COX14: variants seen among roughly 807,000 people sequenced by gnomAD.
COX14 encodes the protein cytochrome c oxidase assembly factor COX14.
COX14 carries 3 observed loss-of-function variants against 5.8 expected under a neutral mutation model. The ratio of observed to expected loss-of-function variants is 0.51; its 90% confidence interval spans 0.23 to 1.33. The LOEUF (loss-of-function observed/expected upper bound fraction) is 1.33. Among genes scored for constraint, COX14 ranks in the 40% most tolerant of loss-of-function variants. The probability of loss-of-function intolerance (pLI) is 0.18; values close to 1 mark genes in which losing one functional copy is unlikely to be tolerated. For synonymous variants in COX14, 25 were observed against 26.1 expected, an observed-to-expected ratio of 0.96 and a Z score of 0.13; for missense variants, 72 against 72.1, an observed-to-expected ratio of 1.00 and a Z score of 0.01.
chr12:50,118,846 A>G lies in COX14; in HGVS notation c.-8-1190A>G, dbSNP rs74365295. Among the ~76,000 whole-genome samples the G allele has an allele frequency of 1.8e-3, 272 of 152,278 alleles. 7 individuals carry two copies. In the East Asian group the frequency reaches 0.049, roughly 28 times the overall value. ...AGTCTTCCTGACTTTTAAGAAACCT[A>G]TCTCGCTAATTTCAGTCAGTCTTTT... On this transcript the variant is annotated intron_variant, in intron 1 of 1. Transcript: ENST00000550487.
chr12:50,117,407 A>G (rs532333940), intron 1 of COX14, among the ~76,000 whole-genome samples: 1 of 152,186 alleles, frequency 6.6e-6, no homozygotes, highest in South Asian at 2.1e-4. Context: ...CTCTGCCTAC[A>G]GTGCTGAGAG....
chr12:50,117,087 G>A (rs1951086810), intron 1 of COX14, among the ~76,000 whole-genome samples: 1 of 152,062 alleles, frequency 6.6e-6, no homozygotes, highest in African/African-American at 2.4e-5. Flanking sequence ...TCAGCTCACT[G>A]TAGCCTCAAC....
chr12:50,119,653 C>T (rs1378383845), intron 1 of COX14, among the ~76,000 whole-genome samples: 1 of 152,172 alleles, frequency 6.6e-6, no homozygotes, highest in Admixed American at 6.5e-5. Flanking sequence ...CATACTCACA[C>T]CACTGCACTC....
At chr12:50,119,495 C>T (rs1237880484) in intron 1 of COX14, among the ~76,000 whole-genome samples, 1 of 152,202 alleles carries the variant, frequency 6.6e-6, no homozygotes, top group Non-Finnish European at 1.5e-5. Context: ...AGTTCAAGAG[C>T]AGCCCTGGCA....
chr12:50,114,705 A>G (rs1183721776), intron 1 of COX14, among the ~76,000 whole-genome samples: 2 of 149,506 alleles, frequency 1.3e-5, no homozygotes, highest in Admixed American at 6.7e-5. Context: ...AGCTGTATCT[A>G]TCTAAATTTG....
At chr12:50,118,049 C>G (rs1417805481) in intron 1 of COX14, among the ~76,000 whole-genome samples, 1 of 144,056 alleles carries the variant, frequency 6.9e-6, no homozygotes. Context: ...GGCACCCCCC[C>G]TTTTTTTTTT....
At chr12:50,119,487 T>G (rs971911462) in intron 1 of COX14, among the ~76,000 whole-genome samples, 3 of 150,958 alleles carry the variant, frequency 2.0e-5, no homozygotes, top group African/African-American at 4.9e-5. Context: ...AGCCCAGGAG[T>G]TCAAGAGCAG....
rs1469611492 is a variant in COX14 at position 50,115,771 on chromosome 12, C to T, written c.-9+3470C>T. Among the ~76,000 whole-genome samples the T allele has an allele frequency of 4.0e-5, 6 of 151,778 alleles. No individual in the cohort carries two copies. The East Asian group carries it at 1.2e-3, about 30-fold the overall frequency. On this transcript the variant is annotated intron_variant, in intron 1 of 1. Coordinates refer to ENST00000550487, the MANE Select transcript of COX14 (RefSeq NM_032901.4). ...TTCACCATGTTGCCCAGGCTGGTCT[C>T]AAACTCGTGGGCTCAACGATCCGTC...
In COX14 at chr12:50,112,244, C is replaced by G. The variant is rs1489307556; in HGVS notation, c.-66C>G. ...TGGGAAGTTGCGTAGACAGTGGCCT[C>G]GAGACCCTGCCTGCCTGAGGAGGCC... On this transcript the variant is annotated 5_prime_UTR_variant, in exon 1 of 2. Transcript: ENST00000550487. 17 of 950,604 alleles carry G rather than the reference C, an allele frequency of 1.8e-5. No homozygotes were observed. Among genetic ancestry groups the G allele is most frequent in the Non-Finnish European group, 2.1e-5 (17 of 798,182 alleles). 58.9% of individuals were successfully genotyped at this position (950,604 alleles called of 1,614,324 possible).
chr12:50,113,066 G>C (rs1439917504), intron 1 of COX14, among the ~76,000 whole-genome samples: 1 of 150,956 alleles, frequency 6.6e-6, no homozygotes, highest in Non-Finnish European at 1.5e-5. Flanking sequence ...ATAGAGAAAA[G>C]GTCTCCCTAT....
intron 1 of COX14, among the ~76,000 whole-genome samples, chr12:50,116,241 C>T (rs187960023): frequency 2.8e-4 from 42 of 152,078 alleles, no homozygotes; most frequent in Admixed American, 1.4e-3. Flanking sequence ...TACAGGCATC[C>T]GCCACCACGC....
intron 1 of COX14, among the ~76,000 whole-genome samples, chr12:50,113,073 C>A (rs943927571): frequency 6.6e-6 from 1 of 151,622 alleles, no homozygotes; most frequent in South Asian, 2.1e-4. Context: ...AAAGGTCTCC[C>A]TATGTTGCCC....
At chr12:50,116,179 G>A (rs1951079490) in intron 1 of COX14, among the ~76,000 whole-genome samples, 1 of 149,584 alleles carries the variant, frequency 6.7e-6, no homozygotes, top group South Asian at 2.1e-4. Flanking sequence ...TGCAACCTCT[G>A]CCTCCCAGGT....
intron 1 of COX14, among the ~76,000 whole-genome samples, chr12:50,114,953 A>T (rs1005216561): frequency 6.6e-6 from 1 of 150,526 alleles, no homozygotes; most frequent in Non-Finnish European, 1.5e-5. Flanking sequence ...GTTTTAGTAG[A>T]GATGGGGTTT....
intron 1 of COX14, among the ~76,000 whole-genome samples, chr12:50,119,216 C>T (rs1252285473): frequency 6.6e-6 from 1 of 152,178 alleles, no homozygotes; most frequent in African/African-American, 2.4e-5. Context: ...TTAGTGTTGA[C>T]TTGGAAACCT....
rs1951120136 is a variant in COX14, at chr12:50,120,367, C to T, written c.*150C>T. ...GTGCCCATGGTTTCTCTGGTTCTGC[C>T]AGTTTGACAGTTTATGGAGGCTTTT... is the stretch of plus-strand genomic sequence containing the variant. On this transcript the variant is annotated 3_prime_UTR_variant, in exon 2 of 2. Transcript: ENST00000550487. 6 of 643,818 alleles carry T rather than the reference C, an allele frequency of 9.3e-6. No homozygotes were observed. The East Asian group carries it at 1.4e-4, about 15-fold the overall frequency. The allele number at this position is 643,818 out of a possible 1,614,324, so 39.9% of individuals were successfully genotyped here.
rs796898557 is a variant in COX14 at position 50,120,397 on chromosome 12, C to T, written c.*180C>T. 10 of 584,050 alleles carry T rather than the reference C, an allele frequency of 1.7e-5. No homozygotes were observed. Among genetic ancestry groups the T allele is most frequent in the African/African-American group, 7.5e-5 (4 of 53,420 alleles). The allele number at this position is 584,050 out of a possible 1,614,324, so 36.2% of individuals were successfully genotyped here. ...TGACAGTTTATGGAGGCTTTTGAAT[C>T]GTAATAGCAATGTGAGGGTGAGGTA... On this transcript the variant is annotated 3_prime_UTR_variant, in exon 2 of 2. Coordinates refer to ENST00000550487, the MANE Select transcript of COX14 (RefSeq NM_032901.4).
At chr12:50,115,643 C>G (rs1326610664) in intron 1 of COX14, among the ~76,000 whole-genome samples, 1 of 151,922 alleles carries the variant, frequency 6.6e-6, no homozygotes, top group South Asian at 2.1e-4. Flanking sequence ...CCTCTACCTC[C>G]TGGGCTCAAG....
intron 1 of COX14, among the ~76,000 whole-genome samples, chr12:50,119,637 A>G (rs1440484515): frequency 2.6e-5 from 4 of 152,282 alleles, no homozygotes; most frequent in African/African-American, 9.6e-5. Flanking sequence ...TGAAGCTGCA[A>G]TGAGTCATAC....
Sources: gnomAD v4.1 joint callset for allele counts (sites outside exome capture counted in the v4.1 genomes callset) on GRCh38, gnomAD v4.1.1 for gene constraint, MANE v1.5 for transcripts, NCBI Gene and HGNC (gene_info 2026-07-23, HGNC 2026-07-21) for gene names.